The following KDM3A variants were observed in gnomAD, a reference collection of about 807,000 sequenced individuals.
KDM3A encodes lysine demethylase 3A.
KDM3A carries 60 observed loss-of-function variants against 158.0 expected under a neutral mutation model. The observed-to-expected ratio is 0.38, with a 90% confidence interval of 0.31 to 0.47. The LOEUF is 0.47. Ranked by LOEUF, KDM3A falls within the 20% of genes least tolerant of loss-of-function variation. KDM3A has a pLI of 0.99. For synonymous variants in KDM3A, 608 were observed against 549.3 expected, an observed-to-expected ratio of 1.11 and a Z score of -1.49; for missense variants, 1,319 against 1,574.3, an observed-to-expected ratio of 0.84 and a Z score of 2.74.
chr2:86,438,853 C>G (rs1234735820), upstream of KDM3A, among the ~76,000 whole-genome samples: 1 of 151,960 alleles, frequency 6.6e-6, no homozygotes, highest in Non-Finnish European at 1.5e-5. Flanking sequence ...CTTTTTCATT[C>G]ATAATGTATT....
chr2:86,457,971 C>T (rs561258348), intron 8 of KDM3A, among the ~76,000 whole-genome samples: 22 of 152,286 alleles, frequency 1.4e-4, no homozygotes, highest in African/African-American at 4.8e-4. Flanking sequence ...ATACAAATAA[C>T]TTTCTGGCAC....
At chr2:86,484,760 A>ATAGT (rs1474239833) in intron 19 of KDM3A, 182 bp from the exon 20 acceptor site, 1 of 518,788 alleles carries the variant, frequency 1.9e-6, no homozygotes, top group Non-Finnish European at 3.4e-6. Context: ...AAAATGGTGG[A>ATAGT]TAGTTGGTAG....
intron 11 of KDM3A, among the ~76,000 whole-genome samples, chr2:86,473,394 C>T (rs1402409130): frequency 6.6e-6 from 1 of 152,094 alleles, no homozygotes; most frequent in Non-Finnish European, 1.5e-5. Flanking sequence ...CAAACTGAAT[C>T]TGTCTCAGCC....
chr2:86,481,469 T>G (rs1485185631), intron 16 of KDM3A, among the ~76,000 whole-genome samples: 2 of 151,898 alleles, frequency 1.3e-5, no homozygotes, highest in East Asian at 3.9e-4. Flanking sequence ...GCCAAGCTGG[T>G]CTTTGAGGTT....
rs1187326055 is a variant in KDM3A, at chr2:86,470,356, A to G, written c.1672A>G (p.Lys558Glu). ...ECRLDSLRKD[K>E]EQQKDSPVFC... ...TCGCTTGGACAGTCTCCGCAAGGATAAGGAGCAACAGAAGGACTCACCTGT... is the reference window on the plus strand; with the variant it reads ...TCGCTTGGACAGTCTCCGCAAGGATGAGGAGCAACAGAAGGACTCACCTGT... The change falls in exon 11 of 26, where the codon AAG becomes GAG. Residue 558 changes from lysine (K) to glutamate (E), a missense_variant. Transcript: ENST00000312912. 4.3e-6 allele frequency: 7 copies of G among 1,614,116 alleles called. No individual in the cohort carries two copies. Among genetic ancestry groups the G allele is most frequent in the South Asian group, 3.3e-5 (3 of 91,090 alleles).
intron 9 of KDM3A, 149 bp downstream of exon 9, chr2:86,464,365 A>G (rs1673048932): frequency 1.8e-5 from 10 of 547,196 alleles, no homozygotes; most frequent in Non-Finnish European, 2.5e-5. Flanking sequence ...GGTGAAAAGT[A>G]TAGAAGGCAC....
Position 86,466,790 on chromosome 2 carries a change from G to C in KDM3A, c.1426G>C (p.Ala476Pro), listed in dbSNP as rs1558617538. The change falls in exon 10 of 26, where the codon GCT (alanine) becomes CCT (proline). Residue 476 changes from alanine to proline, a missense_variant. By Grantham distance (27) the Ala-to-Pro change is conservative. Around this residue, in one of 4 missense-constraint regions of KDM3A, gnomAD observed 652 missense variants for 627.2 expected, o/e 1.04. Coordinates refer to ENST00000312912, the MANE Select transcript of KDM3A (RefSeq NM_018433.6). ...NCSGKKVEPSALACRSQNLKE... is the reference protein window; with the variant it reads ...NCSGKKVEPSPLACRSQNLKE... ...TTCAGGAAAAAAGGTAGAACCTTCAGCTTTAGCTTGCCGATCACAGAATTT... is the reference window on the plus strand; with the variant it reads ...TTCAGGAAAAAAGGTAGAACCTTCACCTTTAGCTTGCCGATCACAGAATTT... 1.2e-6 allele frequency: 2 copies of C among 1,613,640 alleles called. No individual in the cohort carries two copies. Among genetic ancestry groups the C allele is most frequent in the Non-Finnish European group, 1.7e-6 (2 of 1,179,702 alleles).
At chr2:86,464,288 T>G in intron 9 of KDM3A, 72 bp downstream of exon 9, 3 of 1,144,180 alleles carry the variant, frequency 2.6e-6, no homozygotes, top group Non-Finnish European at 3.5e-6. Flanking sequence ...TCATTGTTTT[T>G]ATCCCTGGTT....
At chr2:86,474,633 C>T (rs534273292) in intron 11 of KDM3A, 143 bp from the exon 12 acceptor site, 5 of 597,260 alleles carry the variant, frequency 8.4e-6, no homozygotes, top group East Asian at 2.9e-5. Flanking sequence ...CACTGCACTC[C>T]AGCCTGGGTG....
Position 86,485,746 on chromosome 2 carries a change from C to A in KDM3A, c.3200C>A (p.Ala1067Asp). The A allele has an allele frequency of 6.2e-7, 1 of 1,613,984 alleles. No individual in the cohort carries two copies. Among genetic ancestry groups the A allele is most frequent in the Non-Finnish European group, 8.5e-7 (1 of 1,179,908 alleles). Residue 1067 changes from alanine to aspartate, a missense_variant, in exon 21 of 26, where the codon GCC becomes GAC. Coordinates refer to ENST00000312912, the MANE Select transcript of KDM3A (RefSeq NM_018433.6). ...MMPSRFDDLM[A>D]NIPLPEYTRR... ...TGTTCTAGGTTTGATGATCTGATGG[C>A]CAACATTCCACTGCCCGAGTACACA...
At position 86,466,384 on chromosome 2, in the gene KDM3A, A is replaced by G. The variant is rs755905015; in HGVS notation, c.1020A>G (p.Gln340=). 102 of 1,609,260 alleles carry G rather than the reference A, an allele frequency of 6.3e-5. No homozygotes were observed. The Admixed American group carries it at 1.7e-3, about 27-fold the overall frequency. ...GAKIPQGCHK[Q]SLPEEISSCL... ...TTATATTTTTCAGATGTCATAAACA[A>G]AGTTTACCAGAGGAAATTTCTTCCT... The change falls in exon 10 of 26, where the codon CAA becomes CAG. Residue 340 remains glutamine, a synonymous_variant. Coordinates refer to ENST00000312912, the MANE Select transcript of KDM3A (RefSeq NM_018433.6).
intron 4 of KDM3A, among the ~76,000 whole-genome samples, chr2:86,453,943 T>C (rs1672580445): frequency 6.6e-6 from 1 of 152,180 alleles, no homozygotes; most frequent in Non-Finnish European, 1.5e-5. Context: ...CCTGCTAGAA[T>C]TCGGTTTGGC....
intron 4 of KDM3A, among the ~76,000 whole-genome samples, chr2:86,453,501 G>T (rs932714840): frequency 6.6e-6 from 1 of 152,284 alleles, no homozygotes; most frequent in African/African-American, 2.4e-5. Flanking sequence ...GTAAGAAAAA[G>T]ATAAGGTATC....
At chr2:86,442,570 C>T (rs1222126067) in intron 2 of KDM3A, 2 of 193,812 alleles carry the variant, frequency 1.0e-5, no homozygotes, top group South Asian at 1.4e-4. Flanking sequence ...CTGTAAGTGA[C>T]GTTTGGAGTC....
At chr2:86,458,054 T>C (rs1672779040) in intron 8 of KDM3A, among the ~76,000 whole-genome samples, 1 of 152,176 alleles carries the variant, frequency 6.6e-6, no homozygotes, top group African/African-American at 2.4e-5. Flanking sequence ...TCCTTTATAA[T>C]GCTCTGCCCC....
At chr2:86,485,599 T>C in intron 20 of KDM3A, 130 bp from the exon 21 acceptor site, 8 of 1,038,378 alleles carry the variant, frequency 7.7e-6, no homozygotes, top group Non-Finnish European at 5.7e-6. Flanking sequence ...TCTTAAATAT[T>C]TGATGGCTGT....
chr2:86,480,035 C>T, intron 15 of KDM3A, 132 bp from the exon 16 acceptor site: 1 of 681,664 alleles, frequency 1.5e-6, no homozygotes, highest in Non-Finnish European at 2.6e-6. Context: ...TGGGGATACC[C>T]AGGGCTAACT....
At position 86,447,504 on chromosome 2, in the gene KDM3A, C is replaced by T. The variant is rs182112106; in HGVS notation, c.187-2303C>T. ...GATATTAGATAATTGTGTTGAAGAT[C>T]CTCTTTCCCCTGCTCCTAACTTAAT... On this transcript the variant is annotated intron_variant, in intron 2 of 25. Coordinates refer to ENST00000312912, the MANE Select transcript of KDM3A (RefSeq NM_018433.6). Among the ~76,000 whole-genome samples, 210 of 148,612 alleles carry T rather than the reference C, an allele frequency of 1.4e-3. 1 individual carries two copies. Among genetic ancestry groups the T allele is most frequent in the African/African-American group, 4.9e-3 (197 of 39,916 alleles).
intron 21 of KDM3A, 142 bp from the exon 22 acceptor site, chr2:86,489,175 AT>A: frequency 3.2e-6 from 3 of 951,738 alleles, no homozygotes; most frequent in Non-Finnish European, 3.1e-6. Flanking sequence ...TGGTTAAAGA[AT>A]TTTTTTGCAA....
Sources: gnomAD v4.1 joint callset for allele counts (sites outside exome capture counted in the v4.1 genomes callset) on GRCh38, gnomAD v4.1.1 for gene constraint, gnomAD v4.1.1 regional missense constraint, MANE v1.5 for transcripts, NCBI Gene and HGNC (gene_info 2026-07-23, HGNC 2026-07-21) for gene names.